CCDC149: variants seen among roughly 807,000 people sequenced by gnomAD.
CCDC149 encodes coiled-coil domain-containing protein 149.
A neutral mutation model predicts 59.9 loss-of-function variants in CCDC149; 45 were observed. The ratio of observed to expected loss-of-function variants is 0.75; its 90% CI spans 0.59 to 0.96. The LOEUF (loss-of-function observed/expected upper bound fraction) is 0.96, where lower values mean the gene tolerates loss of function less well. Among genes scored for constraint, CCDC149 ranks in the 40% least tolerant of loss-of-function variants. The pLI is 0.00. For missense variants in CCDC149, 584 were observed against 664.7 expected (o/e 0.88, Z 1.33); for synonymous variants, 245 against 260.6 (o/e 0.94, Z 0.58).
chr4:24,931,310 A>AAAATAT (rs1553862434), intron 1 of CCDC149, among the ~76,000 whole-genome samples: 10 of 138,266 alleles, frequency 7.2e-5, no homozygotes, highest in Non-Finnish European at 3.1e-5. Context: ...TTTATTTTAA[A>AAAATAT]ATATATATAT....
intron 12 of CCDC149, among the ~76,000 whole-genome samples, chr4:24,812,883 C>G (rs57714987): frequency 0.026 from 3,960 of 152,206 alleles, 130 homozygotes; most frequent in East Asian, 0.16. Flanking sequence ...GAAACCACCC[C>G]CATGATTCAA....
chr4:24,912,834 G>C lies in CCDC149; in HGVS notation c.46C>G (p.Gln16Glu). The C allele has an allele frequency of 7.3e-7, 1 of 1,373,320 alleles. No homozygotes were observed. Among genetic ancestry groups the C allele is most frequent in the Non-Finnish European group, 9.5e-7 (1 of 1,048,876 alleles). 85.1% of individuals were successfully genotyped at this position (1,373,320 alleles called of 1,614,324 possible). Residue 16 changes from glutamine to glutamate, a missense_variant, in exon 1 of 13, where the codon CAG becomes GAG. Physicochemically the swap from Gln to Glu is conservative, Grantham distance 29. Coordinates refer to ENST00000635206, the MANE Select transcript of CCDC149 (RefSeq NM_001330643.2). ...GGCCTCACCTCGCTCACCAGCCCCT[G>C]CCAGTCGCTCTCAGTCCGGTCGCCG...
At position 24,822,638 on chromosome 4, in the gene CCDC149, T is replaced by C; in HGVS notation, c.966-65A>G. The C allele has an allele frequency of 2.7e-6, 3 of 1,124,410 alleles. No homozygotes were observed. In the South Asian group the frequency reaches 4.5e-5, roughly 17 times the overall value. 69.7% of individuals were successfully genotyped at this position (1,124,410 alleles called of 1,614,324 possible). A position where few individuals can be genotyped will look rare whatever the true frequency, so the allele number is the denominator to read the frequency against. On this transcript the variant is annotated intron_variant, in intron 9 of 12. Coordinates refer to ENST00000635206, the MANE Select transcript of CCDC149 (RefSeq NM_001330643.2). ...TCCTGTCAGCCCCCAGCCCTGGGAATCCCACTGGTGCCCTAGTAGAAAAGT... is the reference window on the plus strand; with the variant it reads ...TCCTGTCAGCCCCCAGCCCTGGGAACCCCACTGGTGCCCTAGTAGAAAAGT...
intron 1 of CCDC149, among the ~76,000 whole-genome samples, chr4:24,899,722 C>T (rs539826537): frequency 6.6e-6 from 1 of 152,280 alleles, no homozygotes; most frequent in South Asian, 2.1e-4. Flanking sequence ...CGGTTCCCTC[C>T]CCAATGCATC....
chr4:24,865,162 A>G (rs1011569778), intron 3 of CCDC149, among the ~76,000 whole-genome samples: 2 of 152,244 alleles, frequency 1.3e-5, no homozygotes, highest in Non-Finnish European at 1.5e-5. Flanking sequence ...ACAGACATGC[A>G]AGCCCTTGAC....
chr4:24,857,982 A>G lies in CCDC149; in HGVS notation c.265-4803T>C, dbSNP rs540850285. Among the ~76,000 whole-genome samples, 4 of 152,308 alleles carry G rather than the reference A, an allele frequency of 2.6e-5. No individual in the cohort carries two copies. The East Asian group carries it at 7.7e-4, about 29-fold the overall frequency. On this transcript the variant is annotated intron_variant, in intron 3 of 12. Coordinates refer to ENST00000635206, the MANE Select transcript of CCDC149 (RefSeq NM_001330643.2). Reference sequence around the variant, plus strand: ...TAACTTTGAAAACTAGAAAATGACTATTCTGATATGGTGCCTAATTCCTTG... The same window carrying G: ...TAACTTTGAAAACTAGAAAATGACTGTTCTGATATGGTGCCTAATTCCTTG...
rs1281990128 is a variant in CCDC149, at chr4:24,834,929, C to T, written c.820+19G>A. ...ATTTTACGCTCATGAGCGGTCTCTC[C>T]TGGAGCATGATATCCTACCTTGCTT... On this transcript the variant is annotated intron_variant, in intron 8 of 12. Transcript: ENST00000635206. 6.3e-7 allele frequency: 1 copy of T among 1,591,454 alleles called. No individual in the cohort carries two copies. The highest frequency in any genetic ancestry group is 8.6e-7 in the Non-Finnish European group (1 of 1,160,212).
intron 8 of CCDC149, among the ~76,000 whole-genome samples, chr4:24,834,358 G>C (rs1373120718): frequency 2.0e-5 from 3 of 152,126 alleles, no homozygotes; most frequent in Non-Finnish European, 4.4e-5. Context: ...CCCCTGGACT[G>C]TTCCTGGAAG....
chr4:24,886,325 G>T (rs188994497), intron 1 of CCDC149, among the ~76,000 whole-genome samples: 5 of 152,348 alleles, frequency 3.3e-5, no homozygotes, highest in African/African-American at 1.2e-4. Flanking sequence ...TTGCAGGAAA[G>T]GTTGTCAGAG....
rs150407899 is a variant in CCDC149 at position 24,890,402 on chromosome 4, T to C, written c.64-13705A>G. Among the ~76,000 whole-genome samples the C allele has an allele frequency of 7.5e-3, 1,145 of 152,300 alleles. 4 individuals carry two copies. The highest frequency in any genetic ancestry group is 0.011 in the Non-Finnish European group (724 of 68,026). On this transcript the variant is annotated intron_variant, in intron 1 of 12. Coordinates refer to ENST00000635206, the MANE Select transcript of CCDC149 (RefSeq NM_001330643.2). ...GCTTGTAAGAGGCAAAGGTGGGATTTGAACCCAAGCCTGTCCCATGCCCTT... is the reference window on the plus strand; with the variant it reads ...GCTTGTAAGAGGCAAAGGTGGGATTCGAACCCAAGCCTGTCCCATGCCCTT...
At chr4:24,884,934 A>T (rs1469898114) in intron 1 of CCDC149, among the ~76,000 whole-genome samples, 1 of 152,146 alleles carries the variant, frequency 6.6e-6, no homozygotes, top group Non-Finnish European at 1.5e-5. Flanking sequence ...GGAGGGGTAG[A>T]GGGATACATC....
chr4:24,927,947 G>A (rs1024924202), intron 1 of CCDC149, among the ~76,000 whole-genome samples: 2 of 151,860 alleles, frequency 1.3e-5, no homozygotes, highest in African/African-American at 4.8e-5. Flanking sequence ...ATAGAGTCTA[G>A]AAGAAGGATA....
chr4:24,937,489 A>G (rs1722818492), intron 1 of CCDC149, among the ~76,000 whole-genome samples: 1 of 152,250 alleles, frequency 6.6e-6, no homozygotes, highest in Admixed American at 6.5e-5. Context: ...CTGCAGTGAC[A>G]TATTAAAAAC....
At chr4:24,936,751 G>A (rs1722793423) in intron 1 of CCDC149, among the ~76,000 whole-genome samples, 1 of 152,284 alleles carries the variant, frequency 6.6e-6, no homozygotes, top group African/African-American at 2.4e-5. Flanking sequence ...GGGAGTTTTA[G>A]AGGCTCACTG....
intron 1 of CCDC149, among the ~76,000 whole-genome samples, chr4:24,937,527 G>T (rs1722819356): frequency 6.6e-6 from 1 of 152,196 alleles, no homozygotes; most frequent in Non-Finnish European, 1.5e-5. Context: ...AGCTAAAAAA[G>T]ATTTGGTTTT....
At chr4:24,882,855 G>A (rs1309875060) in intron 1 of CCDC149, among the ~76,000 whole-genome samples, 2 of 152,138 alleles carry the variant, frequency 1.3e-5, no homozygotes, top group African/African-American at 2.4e-5. Context: ...CTACAGTCTC[G>A]ATGATGAATG....
At chr4:24,912,445 C>G (rs746690809) in intron 1 of CCDC149, among the ~76,000 whole-genome samples, 5 of 152,166 alleles carry the variant, frequency 3.3e-5, no homozygotes, top group South Asian at 2.1e-4. Context: ...ACCACCTTCC[C>G]GTTTCAGTCC....
rs10646050 is a variant in CCDC149 at position 24,903,024 on chromosome 4, C to CA, written c.63+9792dup. ...TGGGCAACAGAGTGAGAGTCTAACT[C>CA]AAAAAAAAAAAAAAAAAAAAAAAGA... On this transcript the variant is annotated intron_variant, in intron 1 of 12. Coordinates refer to ENST00000635206, the MANE Select transcript of CCDC149 (RefSeq NM_001330643.2). Among the ~76,000 whole-genome samples the CA allele has an allele frequency of 3.9e-3, 203 of 52,488 alleles. 8 individuals are homozygous for CA. The highest frequency in any genetic ancestry group is 5.6e-3 in the African/African-American group (73 of 12,942). 34.4% of individuals were successfully genotyped at this position (52,488 alleles called of 152,430 possible). A position where few individuals can be genotyped will look rare whatever the true frequency, so the allele number is the denominator to read the frequency against.
chr4:24,959,254 G>C (rs552798985), intron 1 of CCDC149, among the ~76,000 whole-genome samples: 2 of 152,218 alleles, frequency 1.3e-5, no homozygotes, highest in East Asian at 3.9e-4. Flanking sequence ...GATTACAGGC[G>C]TGAGCCACTG....
Sources: gnomAD v4.1 joint callset for allele counts (sites outside exome capture counted in the v4.1 genomes callset) on GRCh38, gnomAD v4.1.1 for gene constraint, MANE v1.5 for transcripts, NCBI Gene and HGNC (gene_info 2026-07-23, HGNC 2026-07-21) for gene names.